XPNPEP3: variants seen among roughly 807,000 people sequenced by gnomAD.
XPNPEP3 encodes the protein xaa-Pro aminopeptidase 3.
In XPNPEP3, 41 loss-of-function variants were observed where a neutral mutation model predicts 60.0. The ratio of observed to expected loss-of-function variants is 0.68; its 90% CI spans 0.53 to 0.89. The LOEUF (loss-of-function observed/expected upper bound fraction) is 0.89. XPNPEP3 is among the 40% of genes least tolerant of loss of function. The probability of loss-of-function intolerance (pLI) is 0.00; values close to 1 mark genes in which losing one functional copy is unlikely to be tolerated. For synonymous variants in XPNPEP3, 212 were observed against 223.2 expected (o/e 0.95, Z 0.45); for missense variants, 598 against 638.9 (o/e 0.94, Z 0.69).
intron 7 of XPNPEP3, among the ~76,000 whole-genome samples, 185 bp downstream of exon 7, chr22:40,914,509 A>G (rs1177357351): frequency 6.6e-6 from 1 of 151,186 alleles, no homozygotes; most frequent in Non-Finnish European, 1.5e-5. Flanking sequence ...GGCACATAGA[A>G]ACACCTAGGT....
At chr22:40,876,830 A>C (rs1456747215) in intron 2 of XPNPEP3, among the ~76,000 whole-genome samples, 2 of 152,242 alleles carry the variant, frequency 1.3e-5, no homozygotes, top group Non-Finnish European at 2.9e-5. Context: ...ATCTGAGAGA[A>C]GTCTTAGTAT....
intron 4 of XPNPEP3, among the ~76,000 whole-genome samples, chr22:40,898,670 T>C (rs1194725389): frequency 8.5e-5 from 13 of 152,234 alleles, no homozygotes; most frequent in Non-Finnish European, 1.6e-4. Flanking sequence ...ACTTACTATC[T>C]TTTTATTATC....
chr22:40,897,802 C>G (rs979794082), intron 4 of XPNPEP3, among the ~76,000 whole-genome samples: 1 of 152,086 alleles, frequency 6.6e-6, no homozygotes, highest in African/African-American at 2.4e-5. Context: ...GAAATGACAT[C>G]TCATAGTTTT....
intron 2 of XPNPEP3, among the ~76,000 whole-genome samples, chr22:40,870,837 G>A (rs964402846): frequency 6.6e-6 from 1 of 151,904 alleles, no homozygotes; most frequent in African/African-American, 2.4e-5. Flanking sequence ...TAACCAATAT[G>A]GTGAAATCCT....
rs946360639 is a variant in XPNPEP3, at chr22:40,929,248, A to G, written c.*2813A>G. On this transcript the variant is annotated 3_prime_UTR_variant, in exon 10 of 10. Coordinates refer to ENST00000357137, the MANE Select transcript of XPNPEP3 (RefSeq NM_022098.4). ...ACACTGTCACCGGGGCTGGTGTGCAATAGCGAGACCTCAGCTCCCTGCAAC... is the reference window on the plus strand; with the variant it reads ...ACACTGTCACCGGGGCTGGTGTGCAGTAGCGAGACCTCAGCTCCCTGCAAC... 3 of 148,498 alleles carry G rather than the reference A, an allele frequency of 2.0e-5. No homozygotes were observed. In the Admixed American group the frequency reaches 2.0e-4, roughly 10 times the overall value. 9.2% of individuals were successfully genotyped at this position (148,498 alleles called of 1,614,324 possible).
intron 3 of XPNPEP3, among the ~76,000 whole-genome samples, chr22:40,884,097 T>C (rs1293308998): frequency 6.6e-6 from 1 of 152,194 alleles, no homozygotes; most frequent in Non-Finnish European, 1.5e-5. Flanking sequence ...TTTGATTAAA[T>C]TCTTTTTATT....
At chr22:40,920,959 AT>A (rs1307506284) in intron 7 of XPNPEP3, among the ~76,000 whole-genome samples, 2 of 151,918 alleles carry the variant, frequency 1.3e-5, no homozygotes, top group Non-Finnish European at 2.9e-5. Flanking sequence ...TGCCCAGCTG[AT>A]TTTGTATTTT....
chr22:40,876,391 TTA>T (rs1281899953), intron 2 of XPNPEP3, among the ~76,000 whole-genome samples: 1 of 152,274 alleles, frequency 6.6e-6, no homozygotes, highest in African/African-American at 2.4e-5. Context: ...TAGCTAATAC[TTA>T]TGTAGTGCTA....
At chr22:40,857,738 G>A (rs762873726) in intron 1 of XPNPEP3, among the ~76,000 whole-genome samples, 4 of 152,250 alleles carry the variant, frequency 2.6e-5, no homozygotes, top group Non-Finnish European at 1.5e-5. Context: ...GAAGGATAAG[G>A]AGAATAATTT....
intron 5 of XPNPEP3, among the ~76,000 whole-genome samples, chr22:40,908,016 C>A (rs527552874): frequency 3.7e-4 from 56 of 152,220 alleles, no homozygotes; most frequent in Admixed American, 5.9e-4. Flanking sequence ...GAGTTTGAGA[C>A]CAGCCTGGCC....
intron 4 of XPNPEP3, among the ~76,000 whole-genome samples, chr22:40,900,345 C>T (rs1238553016): frequency 1.3e-5 from 2 of 151,362 alleles, no homozygotes; most frequent in Non-Finnish European, 2.9e-5. Context: ...TGACCCACGC[C>T]TATAATCCCA....
intron 7 of XPNPEP3, among the ~76,000 whole-genome samples, chr22:40,918,153 G>T (rs752335071): frequency 6.6e-6 from 1 of 151,920 alleles, no homozygotes; most frequent in African/African-American, 2.4e-5. Context: ...AGGAGGATCA[G>T]TTGAGGCCAG....
intron 1 of XPNPEP3, chr22:40,861,759 T>C: frequency 6.2e-7 from 1 of 1,613,464 alleles, no homozygotes; most frequent in South Asian, 1.1e-5. Context: ...ATCATCAAAA[T>C]GACTTCCACC....
chr22:40,882,023 A>G lies in XPNPEP3; in HGVS notation c.435A>G (p.Pro145=). 6.2e-7 allele frequency: 1 copy of G among 1,614,178 alleles called. No homozygotes were observed. The highest frequency in any genetic ancestry group is 8.5e-7 in the Non-Finnish European group (1 of 1,180,038). The change falls in exon 3 of 10, where the codon CCA becomes CCG. Residue 145 remains proline (P), a synonymous_variant. Coordinates refer to ENST00000357137, the MANE Select transcript of XPNPEP3 (RefSeq NM_022098.4). ...VLQSLPGKQL[P]SHKAILFVPR... ...AGAGCCTCCCTGGCAAACAATTACC[A>G]TCACACAAAGCCATACTTTTTGTGC... is the stretch of plus-strand genomic sequence containing the variant.
intron 4 of XPNPEP3, among the ~76,000 whole-genome samples, chr22:40,904,182 C>T (rs187801465): frequency 1.3e-5 from 2 of 152,160 alleles, no homozygotes; most frequent in Admixed American, 6.5e-5. Context: ...TTGATCTTTA[C>T]TGGAAGGACA....
intron 6 of XPNPEP3, among the ~76,000 whole-genome samples, chr22:40,910,829 C>T (rs1011984533): frequency 7.2e-5 from 11 of 152,034 alleles, no homozygotes; most frequent in African/African-American, 2.4e-4. Flanking sequence ...CATGGTGAAA[C>T]CCCGTCTCTA....
rs773473817 is a variant in XPNPEP3 at position 40,909,192 on chromosome 22, G to A, written c.926G>A (p.Arg309Gln). Residue 309 changes from arginine to glutamine, a missense_variant, in exon 6 of 10, where the codon CGG becomes CAG. Transcript: ENST00000357137. ...CCACCTGTGGTGGCTGGTGGTAATC[G>A]GTCAAACACTTTGCACTATGTGAAA... ...AYPPVVAGGN[R>Q]SNTLHYVKNN... 7.4e-6 allele frequency: 12 copies of A among 1,614,018 alleles called. No homozygotes were observed. Among genetic ancestry groups the A allele is most frequent in the African/African-American group, 2.7e-5 (2 of 74,918 alleles).
At chr22:40,916,171 A>T (rs1323919007) in intron 7 of XPNPEP3, among the ~76,000 whole-genome samples, 1 of 151,960 alleles carries the variant, frequency 6.6e-6, no homozygotes, top group Non-Finnish European at 1.5e-5. Flanking sequence ...GGGCACCTGT[A>T]ATCCCAGCTA....
chr22:40,892,061 C>T (rs183969659), intron 4 of XPNPEP3, among the ~76,000 whole-genome samples: 1 of 152,288 alleles, frequency 6.6e-6, no homozygotes, highest in East Asian at 1.9e-4. Context: ...ATAGTGCATG[C>T]TGTAAATTGT....
Sources: gnomAD v4.1 joint callset for allele counts (sites outside exome capture counted in the v4.1 genomes callset) on GRCh38, gnomAD v4.1.1 for gene constraint, MANE v1.5 for transcripts, NCBI Gene and HGNC (gene_info 2026-07-23, HGNC 2026-07-21) for gene names.